Variants in PYGB observed in about 807,000 individuals in gnomAD.
PYGB encodes glycogen phosphorylase, brain form.
A neutral mutation model predicts 94.3 loss-of-function variants in PYGB; 82 were observed. The ratio of observed to expected loss-of-function variants is 0.87; its 90% CI spans 0.73 to 1.04. The LOEUF (loss-of-function observed/expected upper bound fraction) is 1.04, where lower values mean the gene tolerates loss of function less well. Among genes scored for constraint, PYGB ranks in the 50% least tolerant of loss-of-function variants. PYGB has a pLI of 0.00. For synonymous variants in PYGB, 488 were observed against 479.1 expected (o/e 1.02, Z -0.24); for missense variants, 1,132 against 1,158.2 (o/e 0.98, Z 0.33).
At chr20:25,281,337 T>C (rs1386460995) in intron 11 of PYGB, among the ~76,000 whole-genome samples, 2 of 152,226 alleles carry the variant, frequency 1.3e-5, no homozygotes, top group Admixed American at 1.3e-4. Context: ...GCTCTGGCTC[T>C]GCGGGCAACG....
At chr20:25,277,405 C>G in intron 7 of PYGB, 79 bp downstream of exon 7, 1 of 1,365,516 alleles carries the variant, frequency 7.3e-7, no homozygotes, top group Non-Finnish European at 1.0e-6. Flanking sequence ...GGCCGGGCTC[C>G]CCAGTGGGGC....
chr20:25,285,382 CCCTT>C (rs1905009552), intron 14 of PYGB: 1 of 152,154 alleles, frequency 6.6e-6, no homozygotes, highest in African/African-American at 2.4e-5. Context: ...GTCACCCCCT[CCCTT>C]CCTCCCGCTC....
chr20:25,284,281 G>A (rs201883357), intron 14 of PYGB, 30 bp downstream of exon 14: 16 of 1,600,792 alleles, frequency 1.0e-5, no homozygotes, highest in Admixed American at 5.0e-5. Flanking sequence ...GCATGACCGC[G>A]CTGTGGGGCC....
chr20:25,265,007 T>C (rs1000137671), intron 2 of PYGB, among the ~76,000 whole-genome samples: 1 of 152,160 alleles, frequency 6.6e-6, no homozygotes, highest in African/African-American at 2.4e-5. Context: ...GGAGGCATCA[T>C]GCTACCTGAC....
chr20:25,260,675 C>T (rs887039037), intron 2 of PYGB, among the ~76,000 whole-genome samples: 7 of 152,142 alleles, frequency 4.6e-5, no homozygotes, highest in South Asian at 2.1e-4. Flanking sequence ...TAAAGCAGGG[C>T]GAGGCATTGC....
rs200432724 is a variant in PYGB, at chr20:25,280,261, C to T, written c.1093-5C>T. ...AACACATGGGAACATTCTCTAATGG[C>T]CTAGGCCTGGGAAATCACGAAGAAG... On this transcript the variant is annotated splice_polypyrimidine_tract_variant and splice_region_variant and intron_variant, in intron 9 of 19. Transcript: ENST00000216962. 1.2e-6 allele frequency: 2 copies of T among 1,613,938 alleles called. No individual in the cohort carries two copies. The highest frequency in any genetic ancestry group is 1.7e-6 in the Non-Finnish European group (2 of 1,179,818).
chr20:25,283,200 G>A lies in PYGB; in HGVS notation c.1543G>A (p.Asp515Asn). ...VEKIGEEFLT[D>N]LSQLKKLLPL... ...GAAAATTGGGGAGGAGTTCCTGACT[G>A]ACCTGAGCCAGCTGAAGAAGCTGCT... Residue 515 changes from aspartate to asparagine, a missense_variant, in exon 13 of 20, where the codon GAC (aspartate) becomes AAC (asparagine). By Grantham distance (23) the Asp-to-Asn change is conservative (BLOSUM62 1). Transcript: ENST00000216962. The A allele has an allele frequency of 6.2e-7, 1 of 1,613,800 alleles. No individual in the cohort carries two copies. Among genetic ancestry groups the A allele is most frequent in the Non-Finnish European group, 8.5e-7 (1 of 1,179,812 alleles).
intron 3 of PYGB, among the ~76,000 whole-genome samples, chr20:25,270,944 A>G (rs7269045): frequency 0.065 from 9,879 of 152,298 alleles, 985 homozygotes; most frequent in African/African-American, 0.22. Flanking sequence ...ATTTGTATGC[A>G]GCCAGCTGCC....
Position 25,255,536 on chromosome 20 carries a change from G to A in PYGB, c.244-3701G>A, listed in dbSNP as rs75544794. On this transcript the variant is annotated intron_variant, in intron 1 of 19. Transcript: ENST00000216962. ...CCATAGTGCCTGGGTGGCAGGGAGG[G>A]ACACTCTGCCCTGTGAGTCACTCTG... 6.6e-3 allele frequency among the ~76,000 whole-genome samples: 1,009 copies of A among 152,350 alleles called. 15 individuals are homozygous for A. Among genetic ancestry groups the A allele is most frequent in the African/African-American group, 0.023 (967 of 41,584 alleles).
At chr20:25,252,242 A>G (rs1407963667) in intron 1 of PYGB, among the ~76,000 whole-genome samples, 1 of 152,208 alleles carries the variant, frequency 6.6e-6, no homozygotes, top group African/African-American at 2.4e-5. Flanking sequence ...GGAGAAGCCT[A>G]CAGTGTGTGC....
chr20:25,270,646 C>T (rs764864379), intron 3 of PYGB, among the ~76,000 whole-genome samples: 3 of 152,078 alleles, frequency 2.0e-5, no homozygotes, highest in Non-Finnish European at 2.9e-5. Context: ...CACAGGCATG[C>T]GTCACTATGC....
intron 1 of PYGB, among the ~76,000 whole-genome samples, 189 bp downstream of exon 1, chr20:25,248,610 C>A (rs919407933): frequency 7.2e-5 from 11 of 151,974 alleles, no homozygotes; most frequent in African/African-American, 2.4e-4. Flanking sequence ...GCGTCCCCTG[C>A]GCAGGGCCGC....
chr20:25,251,253 A>G (rs1000008499), intron 1 of PYGB: 1 of 152,220 alleles, frequency 6.6e-6, no homozygotes, highest in Non-Finnish European at 1.5e-5. Context: ...AGAGCCTGGG[A>G]TTGCGCTGCA....
chr20:25,285,821 G>A (rs981633277), intron 14 of PYGB, among the ~76,000 whole-genome samples: 2 of 152,148 alleles, frequency 1.3e-5, no homozygotes, highest in African/African-American at 2.4e-5. Flanking sequence ...CTGGTGGTGA[G>A]TATGTTCACT....
Position 25,248,117 on chromosome 20 carries a change from C to A in PYGB, c.-62C>A. ...CGGCGCCAGAGCAGCTGCACCATCC[C>A]GGCGTTCGCGTGTGCCGCCGCTTTC... On this transcript the variant is annotated 5_prime_UTR_variant, in exon 1 of 20. Coordinates refer to ENST00000216962, the MANE Select transcript of PYGB (RefSeq NM_002862.4). The A allele has an allele frequency of 2.0e-6, 3 of 1,508,494 alleles. No homozygotes were observed. The highest frequency in any genetic ancestry group is 2.5e-5 in the East Asian group (1 of 39,830). The allele number at this position is 1,508,494 out of a possible 1,614,324, so 93.4% of individuals were successfully genotyped here. A position where few individuals can be genotyped will look rare whatever the true frequency, so the allele number is the denominator to read the frequency against.
At chr20:25,286,212 C>T (rs144805953) in intron 14 of PYGB, among the ~76,000 whole-genome samples, 7 of 152,296 alleles carry the variant, frequency 4.6e-5, no homozygotes, top group East Asian at 1.9e-4. Context: ...CTGTTTGAAA[C>T]GTGTGTTTGG....
chr20:25,269,409 C>T (rs531002315), intron 3 of PYGB, among the ~76,000 whole-genome samples: 1 of 152,316 alleles, frequency 6.6e-6, no homozygotes, highest in East Asian at 1.9e-4. Context: ...AGGGACGTGT[C>T]ATCATTATCA....
At chr20:25,255,841 C>A (rs1315745854) in intron 1 of PYGB, among the ~76,000 whole-genome samples, 3 of 151,948 alleles carry the variant, frequency 2.0e-5, no homozygotes, top group Admixed American at 1.3e-4. Context: ...TCAGGCGATT[C>A]TCCTGCCTCA....
chr20:25,272,347 G>T (rs921165973), intron 4 of PYGB, among the ~76,000 whole-genome samples: 3 of 152,186 alleles, frequency 2.0e-5, no homozygotes, highest in African/African-American at 7.2e-5. Flanking sequence ...GGCCTCAACG[G>T]CAGGTGCAGC....
Sources: gnomAD v4.1 joint callset for allele counts (sites outside exome capture counted in the v4.1 genomes callset) on GRCh38, gnomAD v4.1.1 for gene constraint, MANE v1.5 for transcripts, NCBI Gene and HGNC (gene_info 2026-07-23, HGNC 2026-07-21) for gene names.